The following AP1G1 variants were observed in gnomAD, a reference collection of about 807,000 sequenced individuals.
AP1G1 encodes adaptor related protein complex 1 subunit gamma 1, also known as AP-1 complex subunit gamma-1.
A neutral mutation model predicts 108.3 loss-of-function variants in AP1G1; 7 were observed. The observed-to-expected ratio is 0.06, with a 90% CI of 0.04 to 0.12. AP1G1 has a LOEUF of 0.12. AP1G1 is among the 10% of genes least tolerant of loss of function. The pLI is 1.00. For missense variants in AP1G1, 756 were observed against 1,010.7 expected (o/e 0.75, Z 3.42); for synonymous variants, 379 against 353.5 (o/e 1.07, Z -0.81).
At chr16:71,796,693 G>C (rs1224738038) in intron 1 of AP1G1, among the ~76,000 whole-genome samples, 4 of 152,136 alleles carry the variant, frequency 2.6e-5, no homozygotes, top group African/African-American at 7.2e-5. Flanking sequence ...ACCCTGTCTA[G>C]GCAGCCAGCT....
chr16:71,733,200 G>A, intron 22 of AP1G1, 41 bp from the exon 23 acceptor site: 1 of 1,472,490 alleles, frequency 6.8e-7, no homozygotes, highest in Non-Finnish European at 9.5e-7. Flanking sequence ...ATACTGAAAT[G>A]AAATCTCCAG....
At position 71,732,942 on chromosome 16, in the gene AP1G1, T is replaced by C; in HGVS notation, c.*116A>G. The stretch of plus-strand genomic sequence containing the variant: ...CTTTAGGAAAATCCTCCTCAGCAGT[T>C]CTCTTCAGCTCCTCATGCCCGTGGT... On this transcript the variant is annotated 3_prime_UTR_variant, in exon 23 of 23. Transcript: ENST00000299980. 1 of 747,900 alleles carries C rather than the reference T, an allele frequency of 1.3e-6. No individual in the cohort carries two copies. The highest frequency in any genetic ancestry group is 1.8e-5 in the African/African-American group (1 of 56,850). 46.3% of individuals were successfully genotyped at this position (747,900 alleles called of 1,614,324 possible).
Position 71,802,394 on chromosome 16 carries a change from G to A in AP1G1, c.-4+6369C>T, listed in dbSNP as rs967466387. The stretch of plus-strand genomic sequence containing the variant: ...TGATCTTCCTGCCTCAGGCTCCCAG[G>A]CAGCTAAGGCTACTGGCAAAGACAC... On this transcript the variant is annotated intron_variant, in intron 1 of 22. Coordinates refer to ENST00000299980, the MANE Select transcript of AP1G1 (RefSeq NM_001128.6). 3.9e-5 allele frequency among the ~76,000 whole-genome samples: 6 copies of A among 152,042 alleles called. No individual in the cohort carries two copies. In the East Asian group the frequency reaches 1.2e-3, roughly 29 times the overall value.
chr16:71,798,939 T>C (rs2032685880), intron 1 of AP1G1, among the ~76,000 whole-genome samples: 1 of 147,128 alleles, frequency 6.8e-6, no homozygotes, highest in Admixed American at 6.8e-5. Flanking sequence ...ACACGTGCCA[T>C]ATAACAAAGA....
intron 13 of AP1G1, chr16:71,753,632 G>C: frequency 1.7e-6 from 1 of 576,458 alleles, no homozygotes. Context: ...TTGGCCAGTT[G>C]CCCTATATCC....
At chr16:71,786,307 A>T (rs893024056) in intron 2 of AP1G1, among the ~76,000 whole-genome samples, 2 of 151,570 alleles carry the variant, frequency 1.3e-5, no homozygotes, top group Non-Finnish European at 2.9e-5. Context: ...CAAAGTCTTA[A>T]ATCTACTCTG....
rs1344925772 is a variant in AP1G1 at position 71,739,046 on chromosome 16, C to G, written c.2164G>C (p.Glu722Gln). ...ACACTGGGGTTGGTATTTGACCGTTCAAAGGTGAATTCTATCTTCAAGCCA... is the reference window on the plus strand; with the variant it reads ...ACACTGGGGTTGGTATTTGACCGTTGAAAGGTGAATTCTATCTTCAAGCCA... The part of the protein sequence containing the change: ...KNGLKIEFTF[E>Q]RSNTNPSVTV... The change falls in exon 21 of 23, where the codon GAA becomes CAA. Residue 722 changes from glutamate (E) to glutamine (Q), a missense_variant. Around this residue, in one of 3 missense-constraint regions of AP1G1, gnomAD observed 95 missense variants for 160.5 expected, o/e 0.59. Coordinates refer to ENST00000299980, the MANE Select transcript of AP1G1 (RefSeq NM_001128.6). The G allele has an allele frequency of 1.2e-6, 2 of 1,614,156 alleles. No individual in the cohort carries two copies. Among genetic ancestry groups the G allele is most frequent in the Admixed American group, 3.3e-5 (2 of 60,028 alleles).
chr16:71,798,236 T>C (rs1216844415), intron 1 of AP1G1, among the ~76,000 whole-genome samples: 1 of 150,356 alleles, frequency 6.7e-6, no homozygotes, highest in Non-Finnish European at 1.5e-5. Flanking sequence ...CTTGAGGCCA[T>C]GAGTTAGAAA....
intron 10 of AP1G1, 25 bp from the exon 11 acceptor site, chr16:71,758,946 C>G: frequency 7.3e-7 from 1 of 1,367,240 alleles, no homozygotes; most frequent in Non-Finnish European, 1.0e-6. Flanking sequence ...TGCAAAATAA[C>G]AGAGTTAAAA....
At chr16:71,746,530 A>T in intron 17 of AP1G1, 58 bp downstream of exon 17, 1 of 1,075,328 alleles carries the variant, frequency 9.3e-7, no homozygotes, top group Non-Finnish European at 1.4e-6. Flanking sequence ...ATGGATTACC[A>T]TGACAATTTA....
Position 71,808,798 on chromosome 16 carries a change from G to C in AP1G1, c.-39C>G. The C allele has an allele frequency of 2.3e-6, 3 of 1,289,716 alleles. No individual in the cohort carries two copies. Among genetic ancestry groups the C allele is most frequent in the Non-Finnish European group, 3.0e-6 (3 of 988,804 alleles). The allele number at this position is 1,289,716 out of a possible 1,614,324, so 79.9% of individuals were successfully genotyped here. Reference sequence around the variant, plus strand: ...CCTCGAATGAAACCAGCAGCTCCGGGGGCGGCGGCAGCAGTGGCAGCAGGA... The same window carrying C: ...CCTCGAATGAAACCAGCAGCTCCGGCGGCGGCGGCAGCAGTGGCAGCAGGA... On this transcript the variant is annotated 5_prime_UTR_variant, in exon 1 of 23. Coordinates refer to ENST00000299980, the MANE Select transcript of AP1G1 (RefSeq NM_001128.6).
chr16:71,806,036 A>T (rs3859175), intron 1 of AP1G1, among the ~76,000 whole-genome samples: 51,552 of 151,398 alleles, frequency 0.34, 9,535 homozygotes, highest in East Asian at 0.76. Flanking sequence ...AATAATAAAA[A>T]AAAAAAAAAA....
chr16:71,766,633 A>G (rs2031327985), intron 6 of AP1G1, among the ~76,000 whole-genome samples: 1 of 152,102 alleles, frequency 6.6e-6, no homozygotes, highest in African/African-American at 2.4e-5. Context: ...ACTCTGCTGC[A>G]ACTCAGTTAT....
chr16:71,768,765 A>AAT, intron 6 of AP1G1, among the ~76,000 whole-genome samples: 1 of 149,924 alleles, frequency 6.7e-6, no homozygotes. Flanking sequence ...AATACAAAAA[A>AAT]TTAGCCAGGC....
chr16:71,734,526 A>G, intron 22 of AP1G1, 83 bp downstream of exon 22: 1 of 1,153,228 alleles, frequency 8.7e-7, no homozygotes, highest in Non-Finnish European at 1.3e-6. Flanking sequence ...AGTCAGAAAA[A>G]CCTAAAGAAA....
chr16:71,803,976 A>G (rs1445645191), intron 1 of AP1G1, among the ~76,000 whole-genome samples: 1 of 150,706 alleles, frequency 6.6e-6, no homozygotes, highest in East Asian at 1.9e-4. Context: ...TCTTGACCTC[A>G]TTGAAATAAA....
At chr16:71,755,450 A>G (rs2145447649) in intron 12 of AP1G1, among the ~76,000 whole-genome samples, 1 of 152,208 alleles carries the variant, frequency 6.6e-6, no homozygotes, top group Middle Eastern at 3.4e-3. Context: ...AAAACCCAAA[A>G]CAAAAAAAAC....
chr16:71,779,985 G>GTTTTTTTTTTTTTTTTTTTTT (rs1046891832), intron 2 of AP1G1, among the ~76,000 whole-genome samples: 1 of 139,428 alleles, frequency 7.2e-6, no homozygotes, highest in African/African-American at 2.8e-5. Flanking sequence ...TTTTGTTTCA[G>GTTTTTTTTTTTTTTTTTTTTT]TTTTTTTTTG....
rs2045463966 is a variant in AP1G1 at position 71,730,213 on chromosome 16, A to C, written c.*2845T>G. ...AAACCACCTCAAGGTAACAGCACCA[A>C]AGCACTGTGGGAGAAGCTTCTCAGG... On this transcript the variant is annotated 3_prime_UTR_variant, in exon 23 of 23. Coordinates refer to ENST00000299980, the MANE Select transcript of AP1G1 (RefSeq NM_001128.6). The C allele has an allele frequency of 6.6e-6, 1 of 152,638 alleles. No homozygotes were observed. The highest frequency in any genetic ancestry group is 1.9e-4 in the East Asian group (1 of 5,202). 9.5% of individuals were successfully genotyped at this position (152,638 alleles called of 1,614,324 possible).
Sources: allele counts gnomAD v4.1 joint callset (sites outside exome capture counted in the v4.1 genomes callset), GRCh38; gene constraint gnomAD v4.1.1; regional missense constraint gnomAD v4.1.1; transcripts MANE v1.5; gene names NCBI Gene and HGNC (gene_info 2026-07-23, HGNC 2026-07-21).